C2orf78: variants seen among roughly 807,000 people sequenced by gnomAD.
The protein encoded by C2orf78 is uncharacterized protein C2orf78.
C2orf78 carries 12 observed loss-of-function variants against 21.4 expected under a neutral mutation model. The observed-to-expected ratio is 0.56, with a 90% CI of 0.36 to 0.91. C2orf78 has a LOEUF of 0.91. Among genes scored for constraint, C2orf78 ranks in the 40% least tolerant of loss-of-function variants. The pLI, the probability that C2orf78 is intolerant of heterozygous loss-of-function variation, is 0.01. For missense variants in C2orf78, 1,042 were observed against 1,092.4 expected, an observed-to-expected ratio of 0.95 and a Z score of 0.65; for synonymous variants, 396 against 413.9, an observed-to-expected ratio of 0.96 and a Z score of 0.52.
intron 1 of C2orf78, among the ~76,000 whole-genome samples, chr2:73,807,665 G>C (rs1231994523): frequency 1.1e-5 from 1 of 89,804 alleles, no homozygotes; most frequent in African/African-American, 4.9e-5. Flanking sequence ...CCAAACATCA[G>C]GACACTGAAA....
exon 3 of C2orf78, chr2:73,815,273 A>G (rs769259081): frequency 6.2e-7 from 1 of 1,613,988 alleles, no homozygotes; most frequent in South Asian, 1.1e-5. Flanking sequence ...CACTGTCTCC[A>G]GCTCCAAGCC....
exon 1 of C2orf78, chr2:73,784,375 A>G (rs990538568): frequency 8.3e-7 from 1 of 1,201,722 alleles, no homozygotes. Context: ...TTCTATCTGC[A>G]GTTGATGTTT....
exon 2 of C2orf78, chr2:73,813,548 G>A: frequency 6.2e-7 from 1 of 1,613,926 alleles, no homozygotes; most frequent in Non-Finnish European, 8.5e-7. Flanking sequence ...GGTGAGCAAT[G>A]CAGCTTTCTT....
exon 3 of C2orf78, chr2:73,815,552 C>T: frequency 1.2e-6 from 2 of 1,613,974 alleles, no homozygotes; most frequent in Middle Eastern, 1.6e-4. Flanking sequence ...ATTTGGCAGA[C>T]ATCACTACAT....
At chr2:73,815,020 G>A (rs1573203572) in intron 2 of C2orf78, 51 bp from the exon 3 acceptor site, 1 of 1,541,976 alleles carries the variant, frequency 6.5e-7, no homozygotes, top group East Asian at 2.2e-5. Flanking sequence ...TGGTGTGTAG[G>A]GGGAGCATCT....
chr2:73,815,217 G>C, exon 3 of C2orf78: 1 of 1,613,924 alleles, frequency 6.2e-7, no homozygotes. Context: ...ACCTGAGCTT[G>C]GGGACATTTC....
chr2:73,808,572 G>T (rs1255979433), intron 1 of C2orf78, among the ~76,000 whole-genome samples: 1 of 150,040 alleles, frequency 6.7e-6, no homozygotes, highest in Non-Finnish European at 1.5e-5. Context: ...GCCACTTAGT[G>T]CTGTTACACC....
chr2:73,813,889 T>C (rs538952528), exon 2 of C2orf78: 3 of 1,614,030 alleles, frequency 1.9e-6, no homozygotes, highest in African/African-American at 2.7e-5. Context: ...AAACTTCAGA[T>C]ACCAATACTA....
chr2:73,808,110 C>T lies in C2orf78; in HGVS notation c.98-5367C>T, dbSNP rs184929254. Among the ~76,000 whole-genome samples, 681 of 150,946 alleles carry T rather than the reference C, an allele frequency of 4.5e-3. 27 individuals carry two copies. Among genetic ancestry groups the T allele is most frequent in the Admixed American group, 0.041 (626 of 15,252 alleles). ...CCTACTAAAAATACAAAAAATTAGC[C>T]GGCTGAAGTGGCAGGCGCCTGTAGT... On this transcript the variant is annotated intron_variant, in intron 1 of 2. Transcript: ENST00000409561.
chr2:73,813,723 A>G (rs2103988873), exon 2 of C2orf78: 1 of 1,614,044 alleles, frequency 6.2e-7, no homozygotes, highest in Non-Finnish European at 8.5e-7. Context: ...GGCCAGAGCC[A>G]TATCTGTACT....
In C2orf78 at chr2:73,816,628, CT is replaced by C; in HGVS notation, c.2406del (p.Thr803LeufsTer30). ...CCCAGTTCAGCCAACCCTACCCAGC[CT>C]ACTGTCCCTCAATCTGCTGCTTCTA... On this transcript the variant is annotated frameshift_variant, in exon 3 of 3. Transcript: ENST00000409561. LOFTEE classifies it low-confidence loss of function (END_TRUNC). 1 of 1,613,586 alleles carries C rather than the reference CT, an allele frequency of 6.2e-7. No homozygotes were observed. Among genetic ancestry groups the C allele is most frequent in the Non-Finnish European group, 8.5e-7 (1 of 1,179,652 alleles).
exon 2 of C2orf78, chr2:73,813,851 T>G: frequency 6.2e-7 from 1 of 1,613,946 alleles, no homozygotes; most frequent in Non-Finnish European, 8.5e-7. Flanking sequence ...AGCTGTCTCT[T>G]CCATGTCTAT....
chr2:73,784,527 C>T (rs1672885299), intron 1 of C2orf78, 121 bp downstream of exon 1: 2 of 605,272 alleles, frequency 3.3e-6, no homozygotes, highest in Middle Eastern at 4.8e-4. Context: ...AAGTAGAAAT[C>T]CAGAGACCTC....
At chr2:73,815,310 G>A (rs772341041) in exon 3 of C2orf78, 22 of 1,613,744 alleles carry the variant, frequency 1.4e-5, no homozygotes, top group Non-Finnish European at 2.5e-6. Context: ...TGAGAATTTG[G>A]ATGAGATTAA....
chr2:73,813,842 G>T (rs765496631), exon 2 of C2orf78: 32 of 1,613,862 alleles, frequency 2.0e-5, no homozygotes, highest in Non-Finnish European at 2.6e-5. Context: ...TCAGAACACA[G>T]CTGTCTCTTC....
chr2:73,807,881 A>G (rs1239461973), intron 1 of C2orf78, among the ~76,000 whole-genome samples: 1 of 150,020 alleles, frequency 6.7e-6, no homozygotes, highest in East Asian at 1.9e-4. Context: ...GGACCACATC[A>G]TTTCCTACAA....
At chr2:73,812,265 T>A (rs1673104799) in intron 1 of C2orf78, among the ~76,000 whole-genome samples, 1 of 152,230 alleles carries the variant, frequency 6.6e-6, no homozygotes, top group Admixed American at 6.5e-5. Flanking sequence ...TACTTTACTA[T>A]GTTTTGATGC....
chr2:73,792,085 CTAATGAATGACATA>C (rs1672940330), intron 1 of C2orf78, among the ~76,000 whole-genome samples: 1 of 20,272 alleles, frequency 4.9e-5, no homozygotes, highest in Non-Finnish European at 9.2e-5. Context: ...TACAGACATA[CTAATGAATGACATA>C]AATGAGGTAA....
chr2:73,816,469 C>T lies in C2orf78; in HGVS notation c.2246C>T (p.Ala749Val), dbSNP rs1270638059. The T allele has an allele frequency of 1.9e-6, 3 of 1,613,828 alleles. No homozygotes were observed. The African/African-American group carries it at 4.0e-5, about 22-fold the overall frequency. Residue 749 changes from alanine to valine, a missense_variant, in exon 3 of 3, where the codon GCT (alanine) becomes GTT (valine). Coordinates refer to ENST00000409561, the Ensembl canonical transcript of C2orf78. ...CTAGCCTCACGTAGGCCTGCTGTGG[C>T]TTACCCTGCTCGACCTGATTCTACT...
Sources: allele counts gnomAD v4.1 joint callset (sites outside exome capture counted in the v4.1 genomes callset), GRCh38; gene constraint gnomAD v4.1.1; transcripts MANE v1.5; gene names NCBI Gene and HGNC (gene_info 2026-07-23, HGNC 2026-07-21).